The following PACRG variants were observed in gnomAD, a reference collection of about 807,000 sequenced individuals.
PACRG encodes the protein parkin coregulated, also known as parkin coregulated gene protein.
PACRG carries 29 observed loss-of-function variants against 29.7 expected under a neutral mutation model. That is an observed-to-expected ratio of 0.98 (90% CI 0.73 to 1.33). The LOEUF is 1.33. Among genes scored for constraint, PACRG ranks in the 40% most tolerant of loss-of-function variants. The probability of loss-of-function intolerance (pLI) is 0.00; values close to 1 mark genes in which losing one functional copy is unlikely to be tolerated. For synonymous variants in PACRG, 116 were observed against 118.7 expected (o/e 0.98, Z 0.15); for missense variants, 279 against 316.2 (o/e 0.88, Z 0.89).
chr6:162,765,747 A>G (rs1782736437), intron 1 of PACRG, among the ~76,000 whole-genome samples: 1 of 152,114 alleles, frequency 6.6e-6, no homozygotes, highest in African/African-American at 2.4e-5. Flanking sequence ...ACTATTTAAT[A>G]TTTTATACAG....
intron 2 of PACRG, among the ~76,000 whole-genome samples, chr6:162,947,608 A>ATGATTATATAT (rs1554313269): frequency 3.0e-5 from 2 of 66,346 alleles, no homozygotes; most frequent in Non-Finnish European, 5.4e-5. Flanking sequence ...ATATATATAT[A>ATGATTATATAT]ATCATATATA....
intron 2 of PACRG, 80 bp from the exon 3 acceptor site, chr6:163,062,070 G>A: frequency 1.4e-6 from 2 of 1,464,592 alleles, no homozygotes; most frequent in Non-Finnish European, 9.4e-7. Context: ...CTCTGGAGTG[G>A]GTGACAGCTG....
intron 1 of PACRG, among the ~76,000 whole-genome samples, chr6:162,787,998 T>C (rs972249612): frequency 2.0e-5 from 3 of 152,086 alleles, no homozygotes; most frequent in African/African-American, 7.2e-5. Flanking sequence ...GGTACGTTTG[T>C]TACAACTGAT....
chr6:162,946,191 A>G (rs1049075513), intron 2 of PACRG, among the ~76,000 whole-genome samples: 2 of 152,060 alleles, frequency 1.3e-5, no homozygotes, highest in Non-Finnish European at 2.9e-5. Flanking sequence ...AGACAAAAAA[A>G]GGATCATCAA....
At chr6:162,989,492 C>T (rs974050708) in intron 2 of PACRG, among the ~76,000 whole-genome samples, 15 of 152,096 alleles carry the variant, frequency 9.9e-5, no homozygotes, top group Non-Finnish European at 2.2e-4. Flanking sequence ...TACACACATC[C>T]TCCTGTATAC....
intron 2 of PACRG, among the ~76,000 whole-genome samples, chr6:162,927,038 A>G (rs1797495440): frequency 6.6e-6 from 1 of 152,240 alleles, no homozygotes; most frequent in African/African-American, 2.4e-5. Context: ...TATGCAGCCA[A>G]CAAACATGCA....
chr6:163,044,156 T>A (rs376325082), intron 2 of PACRG, among the ~76,000 whole-genome samples: 1 of 146,706 alleles, frequency 6.8e-6, no homozygotes, highest in Admixed American at 6.9e-5. Context: ...GCCTATAATA[T>A]GGGAAACAGA....
intron 4 of PACRG, among the ~76,000 whole-genome samples, chr6:163,138,634 G>A (rs1485376315): frequency 5.3e-5 from 8 of 152,138 alleles, no homozygotes; most frequent in Non-Finnish European, 7.4e-5. Flanking sequence ...GACAGGAGGC[G>A]GAGCTCAGGC....
chr6:162,938,898 A>G (rs547876440), intron 2 of PACRG, among the ~76,000 whole-genome samples: 1 of 152,024 alleles, frequency 6.6e-6, no homozygotes, highest in African/African-American at 2.4e-5. Context: ...GATTCTGTAT[A>G]TTAGTCTTTT....
At chr6:162,855,608 C>T (rs1427937464) in intron 2 of PACRG, among the ~76,000 whole-genome samples, 1 of 152,054 alleles carries the variant, frequency 6.6e-6, no homozygotes, top group African/African-American at 2.4e-5. Flanking sequence ...ACAGAGAGAT[C>T]AGAGAAGCAA....
chr6:162,995,483 G>A (rs1309636463), intron 2 of PACRG, among the ~76,000 whole-genome samples: 3 of 152,270 alleles, frequency 2.0e-5, no homozygotes, highest in South Asian at 2.1e-4. Flanking sequence ...CGCAGTATTC[G>A]GGTGGGAGTG....
At chr6:163,139,828 C>T (rs1817082246) in intron 4 of PACRG, among the ~76,000 whole-genome samples, 1 of 152,174 alleles carries the variant, frequency 6.6e-6, no homozygotes, top group Admixed American at 6.5e-5. Context: ...TTGTCTTTTA[C>T]TATTTTCTTT....
intron 1 of PACRG, among the ~76,000 whole-genome samples, chr6:162,767,320 A>G (rs1782876422): frequency 6.6e-6 from 1 of 151,826 alleles, no homozygotes; most frequent in African/African-American, 2.4e-5. Context: ...ATATATTTTT[A>G]TTTCTATATT....
intron 4 of PACRG, among the ~76,000 whole-genome samples, chr6:163,157,546 A>C (rs891779702): frequency 4.6e-5 from 7 of 152,164 alleles, no homozygotes; most frequent in African/African-American, 1.7e-4. Context: ...TGAATTACAA[A>C]TGTTAGTTGG....
At chr6:162,814,057 C>G in intron 1 of PACRG, 90 bp from the exon 2 acceptor site, 4 of 1,355,742 alleles carry the variant, frequency 3.0e-6, no homozygotes, top group Admixed American at 2.5e-5. Flanking sequence ...TTTATACAAA[C>G]TGAAATCTTT....
chr6:162,862,863 G>A lies in PACRG; in HGVS notation c.291+48582G>A, dbSNP rs896689587. ...TGAGCTTTGGAGCTGGTCTCATCTC[G>A]AAGGCAGGCGCTGCTGAGGCCTCTG... On this transcript the variant is annotated intron_variant, in intron 2 of 4. Transcript: ENST00000366888. 9.2e-5 allele frequency among the ~76,000 whole-genome samples: 14 copies of A among 152,144 alleles called. No homozygotes were observed. The South Asian group carries it at 1.0e-3, about 11-fold the overall frequency.
intron 1 of PACRG, among the ~76,000 whole-genome samples, chr6:162,787,582 G>GTGTGTATACATA (rs1198197561): frequency 3.2e-5 from 2 of 62,412 alleles, no homozygotes; most frequent in East Asian, 1.1e-3. Flanking sequence ...GTGTGTGTGT[G>GTGTGTATACATA]TATATATATA....
chr6:163,134,714 A>G (rs888467963), intron 4 of PACRG, among the ~76,000 whole-genome samples: 5 of 152,226 alleles, frequency 3.3e-5, no homozygotes, highest in Non-Finnish European at 5.9e-5. Context: ...AGCACATCAC[A>G]TTCTTTTCCC....
intron 4 of PACRG, among the ~76,000 whole-genome samples, chr6:163,187,059 C>T (rs544539179): frequency 2.0e-5 from 3 of 152,346 alleles, no homozygotes; most frequent in South Asian, 2.1e-4. Flanking sequence ...CACAGGGTCC[C>T]GGGTAATTTC....
Sources: gnomAD v4.1 joint callset for allele counts (sites outside exome capture counted in the v4.1 genomes callset) on GRCh38, gnomAD v4.1.1 for gene constraint, MANE v1.5 for transcripts, NCBI Gene and HGNC (gene_info 2026-07-23, HGNC 2026-07-21) for gene names.